Variants in FBH1 observed in about 807,000 individuals in gnomAD.
The protein encoded by FBH1 is F-box DNA helicase 1.
FBH1 carries 43 observed loss-of-function variants against 115.5 expected under a neutral mutation model. The observed-to-expected ratio is 0.37, with a 90% CI of 0.29 to 0.48. FBH1 has a LOEUF of 0.48. Among genes scored for constraint, FBH1 ranks in the 20% least tolerant of loss-of-function variants. FBH1 has a pLI of 0.99. For synonymous variants in FBH1, 524 were observed against 507.8 expected (o/e 1.03, Z -0.43); for missense variants, 1,001 against 1,337.3 (o/e 0.75, Z 3.92).
Position 5,910,243 on chromosome 10 carries a change from C to T in FBH1, c.1021-695C>T, listed in dbSNP as rs1052590774. Among the ~76,000 whole-genome samples, 1 of 151,576 alleles carries T rather than the reference C, an allele frequency of 6.6e-6. No homozygotes were observed. Among genetic ancestry groups the T allele is most frequent in the African/African-American group, 2.4e-5 (1 of 41,206 alleles). On this transcript the variant is annotated intron_variant, in intron 5 of 20. Coordinates refer to ENST00000362091, the MANE Select transcript of FBH1 (RefSeq NM_178150.3). This position sits in a 1 kb window ranked among gnomAD's most constrained non-coding sequence, Gnocchi z 4.8. ...GTTGCGGTGAGCTGAGATCGCGCCA[C>T]TGCACTCCAGCCTGTGTGACAGAGT...
rs1341129831 is a variant in FBH1 at position 5,935,859 on chromosome 10, G to A, written c.2830-597G>A. The stretch of plus-strand genomic sequence containing the variant: ...CTGTCCTTGTGGTGTTTCCAGCCTG[G>A]GAGGTCACTAGTGCTTCCTCTGGGT... On this transcript the variant is annotated intron_variant, in intron 19 of 20. Transcript: ENST00000362091. This position sits in a 1 kb window ranked among gnomAD's most constrained non-coding sequence, Gnocchi z 5.2. The A allele has an allele frequency of 6.5e-6, 1 of 152,856 alleles. No homozygotes were observed. Among genetic ancestry groups the A allele is most frequent in the African/African-American group, 2.4e-5 (1 of 41,460 alleles). 9.5% of individuals were successfully genotyped at this position (152,856 alleles called of 1,614,324 possible). A position where few individuals can be genotyped will look rare whatever the true frequency, so the allele number is the denominator to read the frequency against.
intron 1 of FBH1, among the ~76,000 whole-genome samples, chr10:5,902,708 C>T (rs1188450885): frequency 3.9e-5 from 6 of 152,016 alleles, no homozygotes; most frequent in African/African-American, 1.5e-4. Context: ...GGATTACAGA[C>T]GTGAGCCAGC....
rs772908204 is a variant in FBH1, at chr10:5,893,926, CA to C, written c.1+3581del. The C allele has an allele frequency of 2.3e-3, 2,069 of 898,542 alleles. 3 individuals are homozygous for C. Among genetic ancestry groups the C allele is most frequent in the Non-Finnish European group, 2.6e-3 (1,975 of 750,736 alleles). The allele number at this position is 898,542 out of a possible 1,614,324, so 55.7% of individuals were successfully genotyped here. On this transcript the variant is annotated intron_variant, in intron 1 of 20. Coordinates refer to ENST00000362091, the MANE Select transcript of FBH1 (RefSeq NM_178150.3). ...AAATATATAAAATTATATTCTAGACCATAAGTAGTGATCTTTCTCTTGTTTT... is the reference window on the plus strand; with the variant it reads ...AAATATATAAAATTATATTCTAGACCTAAGTAGTGATCTTTCTCTTGTTTT...
intron 1 of FBH1, among the ~76,000 whole-genome samples, chr10:5,891,802 G>A (rs563116208): frequency 4.1e-4 from 63 of 152,184 alleles, no homozygotes; most frequent in African/African-American, 1.5e-3. Flanking sequence ...AGTAGAGACG[G>A]GGTTTCACCA....
In FBH1 at chr10:5,906,287, G is replaced by C; in HGVS notation, c.408G>C (p.Gly136=). Reference sequence around the variant, plus strand: ...AGGAAGAGAGTAACCAGGCTACCGGGACCAGCCGGTGGGATGGAGTTTCTA... The same window carrying C: ...AGGAAGAGAGTAACCAGGCTACCGGCACCAGCCGGTGGGATGGAGTTTCTA... The part of the protein sequence containing the change: ...SSEEESNQAT[G]TSRWDGVSKK... Residue 136 remains glycine, a synonymous_variant, in exon 3 of 21, where the codon GGG becomes GGC. Transcript: ENST00000362091. This position sits in a 1 kb window ranked among gnomAD's most constrained non-coding sequence, Gnocchi z 7.3. 4 of 1,614,150 alleles carry C rather than the reference G, an allele frequency of 2.5e-6. No homozygotes were observed. The highest frequency in any genetic ancestry group is 1.1e-5 in the South Asian group (1 of 91,076).
chr10:5,914,062 C>CT lies in FBH1; in HGVS notation c.1305-108dup, dbSNP rs936202978. 149 of 1,041,278 alleles carry CT rather than the reference C, an allele frequency of 1.4e-4. No homozygotes were observed. Among genetic ancestry groups the CT allele is most frequent in the Middle Eastern group, 4.2e-4 (2 of 4,728 alleles). The allele number at this position is 1,041,278 out of a possible 1,614,324, so 64.5% of individuals were successfully genotyped here. The stretch of plus-strand genomic sequence containing the variant: ...CATGTTTATTCTCGTAAGGGGAGGC[C>CT]TTTTTTTTGGTCAGCTTTTGTTTAT... On this transcript the variant is annotated intron_variant, in intron 7 of 20. Transcript: ENST00000362091. This position sits in a 1 kb window ranked among gnomAD's most constrained non-coding sequence, Gnocchi z 5.2.
intron 3 of FBH1, among the ~76,000 whole-genome samples, chr10:5,907,331 C>T (rs1589067642): frequency 6.6e-6 from 1 of 152,102 alleles, no homozygotes; most frequent in African/African-American, 2.4e-5. Context: ...CTTAAAACAG[C>T]CCAACAGCAT....
chr10:5,934,096 C>T (rs1372538764), intron 19 of FBH1, among the ~76,000 whole-genome samples: 2 of 152,112 alleles, frequency 1.3e-5, no homozygotes, highest in African/African-American at 2.4e-5. Context: ...GCTAGGAAAG[C>T]GTGTTAAAAA....
At chr10:5,889,655 G>A (rs1206452839), upstream of FBH1, 1 of 186,950 alleles carries the variant, frequency 5.3e-6, no homozygotes, top group Non-Finnish European at 1.1e-5. Context: ...GGTCCGGGAT[G>A]AGCACGGAGG....
At position 5,925,601 on chromosome 10, in the gene FBH1, G is replaced by C; in HGVS notation, c.2722+109G>C. ...TGTTGGATGGTGTGGCCTCCTGGTA[G>C]GGCACTTCTGGAAAAACTAAACCAC... On this transcript the variant is annotated intron_variant, in intron 18 of 20. Coordinates refer to ENST00000362091, the MANE Select transcript of FBH1 (RefSeq NM_178150.3). This position sits in a 1 kb window ranked among gnomAD's most constrained non-coding sequence, Gnocchi z 4.6. 5 of 1,469,936 alleles carry C rather than the reference G, an allele frequency of 3.4e-6. No individual in the cohort carries two copies. In the South Asian group the frequency reaches 5.3e-5, roughly 16 times the overall value. 91.1% of individuals were successfully genotyped at this position (1,469,936 alleles called of 1,614,324 possible). A position where few individuals can be genotyped will look rare whatever the true frequency, so the allele number is the denominator to read the frequency against.
Position 5,933,025 on chromosome 10 carries a change from CTT to C in FBH1, c.2830-3428_2830-3427del, listed in dbSNP as rs772155732. On this transcript the variant is annotated intron_variant, in intron 19 of 20. Transcript: ENST00000362091. The surrounding 1 kb of genome is among the most constrained non-coding windows in gnomAD (Gnocchi z 4.9). ...AGCCACTGCACCTGGCCAAGTGTGA[CTT>C]TTCTAGATGTTGCCAATTTTTTCAT... is the stretch of plus-strand genomic sequence containing the variant. Among the ~76,000 whole-genome samples, 1 of 152,134 alleles carries C rather than the reference CTT, an allele frequency of 6.6e-6. No homozygotes were observed. The highest frequency in any genetic ancestry group is 3.2e-3 in the Middle Eastern group (1 of 316).
chr10:5,895,259 CT>C lies in FBH1; in HGVS notation c.1+4914del. The stretch of plus-strand genomic sequence containing the variant: ...AATTGTCCAGATTAGCAAAACTGCC[CT>C]CTGTGGATCTTTGTTAAAGTTGGGT... On this transcript the variant is annotated intron_variant, in intron 1 of 20. Transcript: ENST00000362091. This position sits in a 1 kb window ranked among gnomAD's most constrained non-coding sequence, Gnocchi z 5.0. 1 of 1,498,714 alleles carries C rather than the reference CT, an allele frequency of 6.7e-7. No individual in the cohort carries two copies. The highest frequency in any genetic ancestry group is 9.0e-7 in the Non-Finnish European group (1 of 1,110,184). 92.8% of individuals were successfully genotyped at this position (1,498,714 alleles called of 1,614,324 possible).
At chr10:5,899,967 T>G (rs1843240619) in intron 1 of FBH1, among the ~76,000 whole-genome samples, 1 of 152,228 alleles carries the variant, frequency 6.6e-6, no homozygotes, top group South Asian at 2.1e-4. Flanking sequence ...TGTTTTCCTC[T>G]AAATAAACTG....
At chr10:5,896,388 GT>G (rs1226326820) in intron 1 of FBH1, among the ~76,000 whole-genome samples, 1 of 152,134 alleles carries the variant, frequency 6.6e-6, no homozygotes, top group Non-Finnish European at 1.5e-5. Context: ...AAAGCTGAGG[GT>G]TAGCAAAGAG....
intron 1 of FBH1, among the ~76,000 whole-genome samples, chr10:5,898,346 T>C (rs1267725644): frequency 6.6e-6 from 1 of 152,162 alleles, no homozygotes; most frequent in African/African-American, 2.4e-5. Flanking sequence ...AGACCTCTCT[T>C]ATAAGGGCAC....
chr10:5,898,560 G>A (rs762512397), intron 1 of FBH1, among the ~76,000 whole-genome samples: 6 of 152,056 alleles, frequency 3.9e-5, no homozygotes, highest in Non-Finnish European at 7.4e-5. Context: ...ACAGGTGCCC[G>A]CCACCACACC....
intron 6 of FBH1, among the ~76,000 whole-genome samples, chr10:5,912,553 A>G (rs1402354176): frequency 6.6e-6 from 1 of 152,138 alleles, no homozygotes; most frequent in Non-Finnish European, 1.5e-5. Context: ...GGAAGTTGCA[A>G]GCCCTTAAAG....
At chr10:5,893,596 C>G (rs1842854697) in intron 1 of FBH1, among the ~76,000 whole-genome samples, 1 of 152,230 alleles carries the variant, frequency 6.6e-6, no homozygotes, top group Non-Finnish European at 1.5e-5. Flanking sequence ...ATGATTCTTT[C>G]AAGACTCAAC....
rs912311929 is a variant in FBH1 at position 5,918,128 on chromosome 10, C to T, written c.1964-214C>T. ...TTATATTCCAACAATTCATCCAAGG[C>T]GAAACATAATCTGCATTCCTAGCAC... On this transcript the variant is annotated intron_variant, in intron 12 of 20. Transcript: ENST00000362091. The surrounding 1 kb of genome is among the most constrained non-coding windows in gnomAD (Gnocchi z 4.0). Among the ~76,000 whole-genome samples the T allele has an allele frequency of 4.6e-5, 7 of 152,168 alleles. No homozygotes were observed. The highest frequency in any genetic ancestry group is 7.3e-5 in the Non-Finnish European group (5 of 68,036).
Sources: gnomAD v4.1 joint callset for allele counts (sites outside exome capture counted in the v4.1 genomes callset) on GRCh38, gnomAD v4.1.1 for gene constraint, Gnocchi (gnomAD v3.1) non-coding constraint, MANE v1.5 for transcripts, NCBI Gene and HGNC (gene_info 2026-07-23, HGNC 2026-07-21) for gene names.